Variants in EPHA4 observed in about 807,000 individuals in gnomAD.
The protein encoded by EPHA4 is ephrin type-A receptor 4.
Under a neutral mutation model 108.3 loss-of-function variants are expected in EPHA4, and 19 were observed. That is an observed-to-expected ratio of 0.18 (90% CI 0.12 to 0.26). EPHA4 has a LOEUF of 0.26. Ranked by LOEUF, EPHA4 falls within the 10% of genes least tolerant of loss-of-function variation. The probability of loss-of-function intolerance (pLI) is 1.00; values close to 1 mark genes in which losing one functional copy is unlikely to be tolerated. For synonymous variants in EPHA4, 449 were observed against 455.5 expected (o/e 0.99, Z 0.18); for missense variants, 917 against 1,254.0 (o/e 0.73, Z 4.06).
At chr2:221,440,942 G>C (rs915278867) in intron 11 of EPHA4, among the ~76,000 whole-genome samples, 1 of 152,106 alleles carries the variant, frequency 6.6e-6, no homozygotes, top group African/African-American at 2.4e-5. Context: ...GGCTTCACCT[G>C]TGGTGAGCTC....
At chr2:221,569,503 G>A (rs1310359604) in intron 1 of EPHA4, 1 of 152,184 alleles carries the variant, frequency 6.6e-6, no homozygotes, top group African/African-American at 2.4e-5. Context: ...GCTGCCTAAC[G>A]GCTTTAGTGT....
At chr2:221,504,541 A>T (rs929464246) in intron 3 of EPHA4, among the ~76,000 whole-genome samples, 2 of 74 alleles carry the variant, frequency 0.027, no homozygotes, top group Admixed American at 0.14. Flanking sequence ...TGAAAATTTT[A>T]TATATATATA....
chr2:221,498,799 T>C (rs994627141), intron 4 of EPHA4, among the ~76,000 whole-genome samples: 1 of 87,642 alleles, frequency 1.1e-5, no homozygotes, highest in Admixed American at 1.3e-4. Flanking sequence ...TCTTTTTTTT[T>C]TTTTTTTTGA....
chr2:221,434,983 A>C (rs1009283471), intron 13 of EPHA4, among the ~76,000 whole-genome samples: 3 of 152,140 alleles, frequency 2.0e-5, no homozygotes, highest in African/African-American at 7.2e-5. Flanking sequence ...TCTGCCTCAA[A>C]TGTCTTGTTT....
At chr2:221,456,124 T>A (rs1690945519) in intron 7 of EPHA4, among the ~76,000 whole-genome samples, 1 of 151,064 alleles carries the variant, frequency 6.6e-6, no homozygotes, top group African/African-American at 2.4e-5. Context: ...AACCAGTCAA[T>A]CCAACTCGCA....
At position 221,425,694 on chromosome 2, in the gene EPHA4, CAGA is replaced by C; in HGVS notation, c.*331_*333del. ...AATGGAGAGAGAATCAGGGATGTCT[CAGA>C]AGCTCAGTGTCTGGCAGCAAATACA... is the stretch of plus-strand genomic sequence containing the variant. On this transcript the variant is annotated 3_prime_UTR_variant, in exon 17 of 18. Transcript: ENST00000281821. 1 of 214,568 alleles carries C rather than the reference CAGA, an allele frequency of 4.7e-6. No individual in the cohort carries two copies. Among genetic ancestry groups the C allele is most frequent in the Non-Finnish European group, 9.2e-6 (1 of 108,182 alleles). The allele number at this position is 214,568 out of a possible 1,614,324, so 13.3% of individuals were successfully genotyped here. A position where few individuals can be genotyped will look rare whatever the true frequency, so the allele number is the denominator to read the frequency against.
At chr2:221,470,592 A>G (rs1691451642) in intron 5 of EPHA4, among the ~76,000 whole-genome samples, 1 of 68,772 alleles carries the variant, frequency 1.5e-5, no homozygotes, top group Non-Finnish European at 2.9e-5. Context: ...CTTTTCCCTA[A>G]AGTATCACTT....
At chr2:221,512,114 A>G (rs949074765) in intron 3 of EPHA4, among the ~76,000 whole-genome samples, 1 of 152,216 alleles carries the variant, frequency 6.6e-6, no homozygotes, top group African/African-American at 2.4e-5. Context: ...TAGATTAAGC[A>G]GAACTTAATT....
At position 221,425,836 on chromosome 2, in the gene EPHA4, A is replaced by T; in HGVS notation, c.*192T>A. 1.7e-6 allele frequency: 1 copy of T among 585,078 alleles called. No homozygotes were observed. Among genetic ancestry groups the T allele is most frequent in the Non-Finnish European group, 3.0e-6 (1 of 330,662 alleles). The allele number at this position is 585,078 out of a possible 1,614,324, so 36.2% of individuals were successfully genotyped here. On this transcript the variant is annotated 3_prime_UTR_variant, in exon 17 of 18. Transcript: ENST00000281821. ...ATTTGTTCCAGGTCTCATTCAAATG[A>T]CCGGCAGTCATTTCTGTAAGCCCCA...
intron 11 of EPHA4, among the ~76,000 whole-genome samples, chr2:221,439,579 C>T (rs1040054889): frequency 1.3e-5 from 2 of 151,756 alleles, no homozygotes; most frequent in African/African-American, 4.8e-5. Context: ...CCTTGAACTC[C>T]TGGGCTCAAG....
At chr2:221,572,438 G>T (rs1694876154), upstream of EPHA4, 1 of 466,260 alleles carries the variant, frequency 2.1e-6, no homozygotes, top group South Asian at 3.2e-5. Flanking sequence ...ACCGAGCAGG[G>T]CCCGCCCCAG....
At chr2:221,564,743 A>G (rs1694574862) in intron 2 of EPHA4, among the ~76,000 whole-genome samples, 1 of 152,132 alleles carries the variant, frequency 6.6e-6, no homozygotes, top group Non-Finnish European at 1.5e-5. Flanking sequence ...AAATTTACTC[A>G]TAAAGGAAAA....
intron 5 of EPHA4, among the ~76,000 whole-genome samples, chr2:221,480,632 C>T (rs1691791245): frequency 6.6e-6 from 1 of 152,180 alleles, no homozygotes; most frequent in Non-Finnish European, 1.5e-5. Flanking sequence ...AAACTAATGA[C>T]TGCGAACAGT....
intron 3 of EPHA4, among the ~76,000 whole-genome samples, chr2:221,515,297 G>A (rs1471354141): frequency 6.6e-6 from 1 of 152,098 alleles, no homozygotes; most frequent in Non-Finnish European, 1.5e-5. Context: ...GTTTCTCCAT[G>A]TTGGTCAGGC....
chr2:221,546,956 G>C (rs985573500), intron 3 of EPHA4, among the ~76,000 whole-genome samples: 4 of 152,152 alleles, frequency 2.6e-5, no homozygotes, highest in South Asian at 2.1e-4. Flanking sequence ...AAATAAAAGG[G>C]GGGGGACAAA....
At chr2:221,475,667 T>A (rs1691631890) in intron 5 of EPHA4, among the ~76,000 whole-genome samples, 1 of 152,230 alleles carries the variant, frequency 6.6e-6, no homozygotes, top group African/African-American at 2.4e-5. Context: ...GTGAAAACAC[T>A]CTTACACAAT....
At chr2:221,436,882 C>T (rs1690257302) in intron 12 of EPHA4, among the ~76,000 whole-genome samples, 179 bp downstream of exon 12, 2 of 152,176 alleles carry the variant, frequency 1.3e-5, no homozygotes, top group Admixed American at 6.5e-5. Context: ...AAAAACTACC[C>T]TCGTTGAACA....
rs887453753 is a variant in EPHA4, at chr2:221,514,477, GC to G, written c.824-13306del. On this transcript the variant is annotated intron_variant, in intron 3 of 17. Transcript: ENST00000281821. ...AGGTTCTGTGGGAAGTGTTTTGGCA[GC>G]CTGAGCATTCTCTGTCAACAGTTCA... is the stretch of plus-strand genomic sequence containing the variant. Among the ~76,000 whole-genome samples the G allele has an allele frequency of 3.3e-5, 5 of 152,320 alleles. No homozygotes were observed. In the South Asian group the frequency reaches 8.3e-4, roughly 25 times the overall value.
chr2:221,460,132 A>C (rs1039021284), intron 5 of EPHA4, among the ~76,000 whole-genome samples: 1 of 152,212 alleles, frequency 6.6e-6, no homozygotes, highest in Non-Finnish European at 1.5e-5. Flanking sequence ...TAGCAATATA[A>C]TCACGTTAAC....
Sources: allele counts gnomAD v4.1 joint callset (sites outside exome capture counted in the v4.1 genomes callset), GRCh38; gene constraint gnomAD v4.1.1; transcripts MANE v1.5; gene names NCBI Gene and HGNC (gene_info 2026-07-23, HGNC 2026-07-21).